IL18RAP: variants seen among roughly 807,000 people sequenced by gnomAD.
IL18RAP encodes the protein interleukin-18 receptor accessory protein.
In IL18RAP, 37 loss-of-function variants were observed where a neutral mutation model predicts 58.1. That is an observed-to-expected ratio of 0.64 (90% CI 0.49 to 0.84). The LOEUF is 0.84. Ranked by LOEUF, IL18RAP falls within the 40% of genes least tolerant of loss-of-function variation. The pLI is 0.00. For synonymous variants in IL18RAP, 268 were observed against 257.5 expected, an observed-to-expected ratio of 1.04 and a Z score of -0.39; for missense variants, 667 against 704.8, an observed-to-expected ratio of 0.95 and a Z score of 0.61.
intron 6 of IL18RAP, 99 bp downstream of exon 6, chr2:102,443,422 G>A: frequency 7.5e-7 from 1 of 1,333,720 alleles, no homozygotes. Flanking sequence ...GTAGCCACCA[G>A]CACCGACTAG....
At chr2:102,447,869 T>C (rs1244387850) in intron 8 of IL18RAP, among the ~76,000 whole-genome samples, 2 of 152,122 alleles carry the variant, frequency 1.3e-5, no homozygotes, top group Non-Finnish European at 2.9e-5. Flanking sequence ...TAGCTGGGAT[T>C]ACAGGCATGC....
At chr2:102,436,146 C>G (rs370728435) in intron 3 of IL18RAP, among the ~76,000 whole-genome samples, 2 of 152,034 alleles carry the variant, frequency 1.3e-5, no homozygotes, top group African/African-American at 4.8e-5. Flanking sequence ...CATACTAAGC[C>G]TCACTTACCT....
chr2:102,423,733 C>A, intron 1 of IL18RAP, 78 bp from the exon 2 acceptor site: 2 of 991,174 alleles, frequency 2.0e-6, no homozygotes, highest in Non-Finnish European at 3.0e-6. Flanking sequence ...CTTGTTAAAT[C>A]AAGTACTAGA....
intron 7 of IL18RAP, 96 bp downstream of exon 7, chr2:102,445,436 C>T: frequency 3.1e-6 from 4 of 1,273,604 alleles, no homozygotes; most frequent in Non-Finnish European, 4.5e-6. Flanking sequence ...ACAGCGATTA[C>T]ATTTTCTAGG....
At chr2:102,439,909 A>G (rs969450514) in intron 4 of IL18RAP, 1 of 152,260 alleles carries the variant, frequency 6.6e-6, no homozygotes, top group African/African-American at 2.4e-5. Context: ...AAAGAGCTGA[A>G]TGAGATCACC....
intron 6 of IL18RAP, among the ~76,000 whole-genome samples, chr2:102,443,554 G>A (rs1683233235): frequency 1.3e-5 from 2 of 152,262 alleles, no homozygotes; most frequent in Admixed American, 1.3e-4. Context: ...TCAAGCTATT[G>A]AGCAGACAGT....
At chr2:102,445,844 A>C (rs1470441628) in intron 7 of IL18RAP, among the ~76,000 whole-genome samples, 2 of 152,176 alleles carry the variant, frequency 1.3e-5, no homozygotes, top group Non-Finnish European at 2.9e-5. Context: ...CTGGAGTAGA[A>C]ATTCTAGGTA....
chr2:102,449,657 T>C (rs564723518), intron 8 of IL18RAP, among the ~76,000 whole-genome samples: 2 of 152,292 alleles, frequency 1.3e-5, no homozygotes, highest in East Asian at 1.9e-4. Flanking sequence ...AGATGTAGAA[T>C]GTTAGAATTC....
At chr2:102,437,028 T>A (rs371867841) in intron 3 of IL18RAP, among the ~76,000 whole-genome samples, 184 bp from the exon 4 acceptor site, 1 of 152,136 alleles carries the variant, frequency 6.6e-6, no homozygotes, top group Non-Finnish European at 1.5e-5. Flanking sequence ...TATTGGAAAA[T>A]GCCTCTTGTT....
intron 6 of IL18RAP, among the ~76,000 whole-genome samples, chr2:102,444,310 A>G (rs867794584): frequency 1.3e-4 from 20 of 152,316 alleles, no homozygotes; most frequent in African/African-American, 3.8e-4. Flanking sequence ...GAGTGTAGTC[A>G]AGAGGGTATG....
intron 1 of IL18RAP, 36 bp downstream of exon 1, chr2:102,423,383 T>A (rs778666662): frequency 6.4e-6 from 10 of 1,553,938 alleles, no homozygotes; most frequent in Middle Eastern, 1.7e-4. Flanking sequence ...GCACTGTGAG[T>A]CTGTGGTCAA....
chr2:102,423,185 G>A lies in IL18RAP; in HGVS notation c.-93G>A, dbSNP rs1681684799. ...CCATTTCTTGATTTACAGAAATGAA[G>A]GGGATACTCAGGGCAGAGTTCTGAA... On this transcript the variant is annotated 5_prime_UTR_variant, in exon 1 of 10. Coordinates refer to ENST00000687160, the MANE Select transcript of IL18RAP (RefSeq NM_001393487.1). 8.2e-6 allele frequency: 9 copies of A among 1,097,610 alleles called. No individual in the cohort carries two copies. The highest frequency in any genetic ancestry group is 1.6e-5 in the African/African-American group (1 of 63,790). The allele number at this position is 1,097,610 out of a possible 1,614,324, so 68.0% of individuals were successfully genotyped here.
chr2:102,437,099 C>T (rs923457325), intron 3 of IL18RAP, 113 bp from the exon 4 acceptor site: 4 of 929,794 alleles, frequency 4.3e-6, no homozygotes, highest in African/African-American at 1.7e-5. Flanking sequence ...ATACCCTTAT[C>T]TCAGATTGAC....
intron 4 of IL18RAP, chr2:102,439,719 G>A (rs886067740): frequency 6.6e-6 from 1 of 152,206 alleles, no homozygotes; most frequent in African/African-American, 2.4e-5. Context: ...TACCATTTAA[G>A]GAGACTGAAA....
rs11465738 is a variant in IL18RAP at position 102,452,085 on chromosome 2, G to T, written c.1704G>T (p.Thr568=). 2 of 1,614,096 alleles carry T rather than the reference G, an allele frequency of 1.2e-6. No individual in the cohort carries two copies. The highest frequency in any genetic ancestry group is 1.7e-5 in the Admixed American group (1 of 60,026). ...HMPVKNSQGF[T]WNQLRITSRI... ...CTGTGAAAAACTCTCAGGGATTCAC[G>T]TGGAACCAGCTCAGAATTACCTCTA... Residue 568 remains threonine, a synonymous_variant, in exon 10 of 10, where the codon ACG becomes ACT. Transcript: ENST00000687160.
At chr2:102,449,650 T>C (rs1007931240) in intron 8 of IL18RAP, among the ~76,000 whole-genome samples, 7 of 152,260 alleles carry the variant, frequency 4.6e-5, no homozygotes, top group East Asian at 3.9e-4. Flanking sequence ...ATTTTAGAGA[T>C]GTAGAATGTT....
chr2:102,419,851 G>A (rs1207647407), upstream of IL18RAP: 1 of 152,192 alleles, frequency 6.6e-6, no homozygotes, highest in Non-Finnish European at 1.5e-5. Flanking sequence ...TGTGAGCCTT[G>A]GTTGTCCATC....
chr2:102,445,518 T>C (rs762949854), intron 7 of IL18RAP, among the ~76,000 whole-genome samples, 178 bp downstream of exon 7: 1 of 152,242 alleles, frequency 6.6e-6, no homozygotes, highest in Non-Finnish European at 1.5e-5. Context: ...ACACAACTAG[T>C]AAACTGCATA....
At chr2:102,432,308 C>T (rs563008959) in intron 3 of IL18RAP, 1 of 153,988 alleles carries the variant, frequency 6.5e-6, no homozygotes, top group East Asian at 2.0e-4. Flanking sequence ...TCTGATCAGG[C>T]AAAATTGCAG....
Sources: allele counts gnomAD v4.1 joint callset (sites outside exome capture counted in the v4.1 genomes callset), GRCh38; gene constraint gnomAD v4.1.1; transcripts MANE v1.5; gene names NCBI Gene and HGNC (gene_info 2026-07-23, HGNC 2026-07-21).